RGL3: variants seen among roughly 807,000 people sequenced by gnomAD.
The protein encoded by RGL3 is ral guanine nucleotide dissociation stimulator like 3, also known as ral guanine nucleotide dissociation stimulator-like 3.
RGL3 carries 85 observed loss-of-function variants against 90.6 expected under a neutral mutation model. The observed-to-expected ratio is 0.94, with a 90% confidence interval of 0.79 to 1.12. The LOEUF is 1.12. Among genes scored for constraint, RGL3 ranks in the 50% most tolerant of loss-of-function variants. RGL3 has a pLI of 0.00. For synonymous variants in RGL3, 408 were observed against 385.5 expected (o/e 1.06, Z -0.68); for missense variants, 1,034 against 939.2 (o/e 1.10, Z -1.32).
At chr19:11,419,185 GGA>G (rs1359967670) in intron 1 of RGL3, 59 bp downstream of exon 1, 1 of 1,553,716 alleles carries the variant, frequency 6.4e-7, no homozygotes, top group Non-Finnish European at 8.8e-7. Flanking sequence ...GCGGGCGCTT[GGA>G]GTTTCTGGAC....
chr19:11,398,692 G>A (rs1054055635), intron 16 of RGL3, among the ~76,000 whole-genome samples: 2 of 149,588 alleles, frequency 1.3e-5, no homozygotes, highest in Non-Finnish European at 3.0e-5. Context: ...CTTTTAGAGG[G>A]AGCCTCGCTC....
Position 11,402,547 on chromosome 19 carries a change from G to A in RGL3, c.1243-6C>T. 6.2e-7 allele frequency: 1 copy of A among 1,603,924 alleles called. No homozygotes were observed. The highest frequency in any genetic ancestry group is 8.5e-7 in the Non-Finnish European group (1 of 1,177,114). On this transcript the variant is annotated splice_polypyrimidine_tract_variant and splice_region_variant and intron_variant, in intron 10 of 18. Coordinates refer to ENST00000380456, the MANE Select transcript of RGL3 (RefSeq NM_001035223.4). ...ACAGGGCCTGGGGGTGGTTTCTGCA[G>A]CCCCCAAAGCTCCAGTCACTTGGGG...
chr19:11,400,363 T>C, intron 13 of RGL3, 66 bp from the exon 14 acceptor site: 1 of 1,382,124 alleles, frequency 7.2e-7, no homozygotes, highest in Non-Finnish European at 9.7e-7. Context: ...AGATAAGAGT[T>C]GGAATCAGTT....
At chr19:11,413,045 C>A (rs1568340982) in intron 5 of RGL3, among the ~76,000 whole-genome samples, 1 of 151,858 alleles carries the variant, frequency 6.6e-6, no homozygotes, top group Non-Finnish European at 1.5e-5. Context: ...CATAGAAGGT[C>A]TTAAACAAAT....
At position 11,405,218 on chromosome 19, in the gene RGL3, T is replaced by C. The variant is rs1322662726; in HGVS notation, c.1114A>G (p.Thr372Ala). Reference protein sequence around the residue: ...WGAVSREPLSTFRKLSQIFSD... With the variant: ...WGAVSREPLSAFRKLSQIFSD... ...AAAATCTGCGAAAGTTTCCTGAAAG[T>C]AGATAGCGGTTCCCTGGAAGGACAG... Residue 372 changes from threonine (T) to alanine (A), a missense_variant, in exon 9 of 19, where the codon ACT (threonine) becomes GCT (alanine). By Grantham distance (58) the Thr-to-Ala change is moderately conservative. Transcript: ENST00000380456. The C allele has an allele frequency of 6.2e-7, 1 of 1,613,976 alleles. No individual in the cohort carries two copies. The highest frequency in any genetic ancestry group is 8.5e-7 in the Non-Finnish European group (1 of 1,179,962).
intron 5 of RGL3, among the ~76,000 whole-genome samples, chr19:11,408,330 C>G (rs980947717): frequency 1.3e-5 from 2 of 152,178 alleles, no homozygotes; most frequent in Non-Finnish European, 2.9e-5. Flanking sequence ...GCCTGTAATC[C>G]CAGCACTTTG....
Position 11,406,706 on chromosome 19 carries a change from T to C in RGL3, c.780+16A>G. On this transcript the variant is annotated intron_variant, in intron 6 of 18. Coordinates refer to ENST00000380456, the MANE Select transcript of RGL3 (RefSeq NM_001035223.4). ...CCCTCACTGTGGCTCATCCCGACCCTGTCCGGGATCCTCACCAAGTCTATG... is the reference window on the plus strand; with the variant it reads ...CCCTCACTGTGGCTCATCCCGACCCCGTCCGGGATCCTCACCAAGTCTATG... 1 of 1,613,406 alleles carries C rather than the reference T, an allele frequency of 6.2e-7. No homozygotes were observed. The highest frequency in any genetic ancestry group is 8.5e-7 in the Non-Finnish European group (1 of 1,179,836).
At chr19:11,419,141 C>A in intron 1 of RGL3, 105 bp downstream of exon 1, 1 of 1,285,426 alleles carries the variant, frequency 7.8e-7, no homozygotes, top group Non-Finnish European at 1.1e-6. Flanking sequence ...GACTCCAGGG[C>A]AAGTTCAGAT....
In RGL3 at chr19:11,394,439, T is replaced by C. The variant is rs201957134; in HGVS notation, c.2096A>G (p.Glu699Gly). ...APRDFMLRRKEGTRNTLSVSP... is the reference protein window; with the variant it reads ...APRDFMLRRKGGTRNTLSVSP... ...GACAGACAGAGTGTTCCGGGTCCCC[T>C]CTTTCCGCCGCAGCATGAAGTCTCT... is the stretch of plus-strand genomic sequence containing the variant. Residue 699 changes from glutamate (E) to glycine (G), a missense_variant, in exon 19 of 19, where the codon GAG (glutamate) becomes GGG (glycine). Transcript: ENST00000380456. 1.2e-5 allele frequency: 19 copies of C among 1,613,822 alleles called. No homozygotes were observed. Among genetic ancestry groups the C allele is most frequent in the South Asian group, 4.4e-5 (4 of 91,052 alleles).
At chr19:11,416,380 G>A (rs1006600772) in intron 4 of RGL3, 2 of 617,424 alleles carry the variant, frequency 3.2e-6, no homozygotes, top group Non-Finnish European at 5.7e-6. Context: ...TGTATTTTTA[G>A]TAGAGACAGG....
At chr19:11,394,769 T>C (rs1568333609) in intron 18 of RGL3, 1 of 413,400 alleles carries the variant, frequency 2.4e-6, no homozygotes, top group Non-Finnish European at 4.5e-6. Context: ...CCCCTCACCA[T>C]AGAGACAAGG....
chr19:11,401,452 G>A (rs1407694965), intron 13 of RGL3, among the ~76,000 whole-genome samples: 1 of 149,044 alleles, frequency 6.7e-6, no homozygotes, highest in African/African-American at 2.5e-5. Context: ...CTGGAGTGCA[G>A]TGGCACCATC....
chr19:11,414,419 TTATA>T (rs1193477016), intron 5 of RGL3, among the ~76,000 whole-genome samples: 5 of 92,664 alleles, frequency 5.4e-5, no homozygotes, highest in Admixed American at 4.3e-4. Context: ...ATATATACCT[TTATA>T]TATATATACC....
Position 11,402,096 on chromosome 19 carries a change from T to A in RGL3, c.1399A>T (p.Arg467Trp). Residue 467 changes from arginine (R) to tryptophan (W), a missense_variant, in exon 13 of 19, where the codon AGG becomes TGG. Transcript: ENST00000380456. ...EILARIQQLQ[R>W]RCQSYTLSPH... ...CTCAGGGTGTAGCTCTGACAGCGCC[T>A]CTGCAGCTGCTGGATGCGGGCCAGG... 5 of 1,599,086 alleles carry A rather than the reference T, an allele frequency of 3.1e-6. No individual in the cohort carries two copies. The highest frequency in any genetic ancestry group is 4.3e-6 in the Non-Finnish European group (5 of 1,172,736).
chr19:11,407,131 A>G (rs1333476149), intron 5 of RGL3, among the ~76,000 whole-genome samples: 2 of 151,910 alleles, frequency 1.3e-5, no homozygotes, highest in African/African-American at 4.8e-5. Context: ...GATTACAGGC[A>G]TGTGCCACCA....
At chr19:11,405,110 C>T in intron 9 of RGL3, 37 bp downstream of exon 9, 1 of 1,579,050 alleles carries the variant, frequency 6.3e-7, no homozygotes, top group Non-Finnish European at 8.7e-7. Context: ...CCCGACTTCC[C>T]GGGCCTAAAA....
At chr19:11,402,160 C>T (rs780090848) in intron 12 of RGL3, 28 bp from the exon 13 acceptor site, 1 of 1,610,220 alleles carries the variant, frequency 6.2e-7, no homozygotes, top group Non-Finnish European at 8.5e-7. Context: ...AAGACCCTAC[C>T]CCTGCCCCAC....
At position 11,394,483 on chromosome 19, in the gene RGL3, G is replaced by A; in HGVS notation, c.2052C>T (p.Ala684=). Residue 684 remains alanine (A), a synonymous_variant, in exon 19 of 19, where the codon GCC becomes GCT. Coordinates refer to ENST00000380456, the MANE Select transcript of RGL3 (RefSeq NM_001035223.4). The stretch of plus-strand genomic sequence containing the variant: ...AGTCTCTGGGGGCGACTGGACTCAT[G>A]GCATAGAAGACGTTGGCATTGTCAG... The part of the protein sequence containing the change: ...LIPDNANVFY[A]MSPVAPRDFM... The A allele has an allele frequency of 6.2e-7, 1 of 1,614,042 alleles. No homozygotes were observed. Among genetic ancestry groups the A allele is most frequent in the Non-Finnish European group, 8.5e-7 (1 of 1,179,994 alleles).
intron 11 of RGL3, 25 bp downstream of exon 11, chr19:11,402,429 CA>C (rs757931169): frequency 5.0e-6 from 8 of 1,592,180 alleles, no homozygotes; most frequent in Middle Eastern, 1.7e-4. Context: ...GAGCTGGGGT[CA>C]GGGGTCAAGG....
Sources: gnomAD v4.1 joint callset for allele counts (sites outside exome capture counted in the v4.1 genomes callset) on GRCh38, gnomAD v4.1.1 for gene constraint, MANE v1.5 for transcripts, NCBI Gene and HGNC (gene_info 2026-07-23, HGNC 2026-07-21) for gene names.